GPM6B: variants seen among roughly 807,000 people sequenced by gnomAD.
GPM6B encodes glycoprotein M6B, also known as neuronal membrane glycoprotein M6-b.
A neutral mutation model predicts 27.2 loss-of-function variants in GPM6B; 4 were observed. The observed-to-expected ratio is 0.15, with a 90% confidence interval of 0.07 to 0.34. The LOEUF (loss-of-function observed/expected upper bound fraction) is 0.34. Among genes scored for constraint, GPM6B ranks in the 10% least tolerant of loss-of-function variants. GPM6B has a pLI of 1.00. For synonymous variants in GPM6B, 124 were observed against 103.1 expected (o/e 1.20, Z -1.23); for missense variants, 183 against 261.9 (o/e 0.70, Z 2.08).
intron 1 of GPM6B, among the ~76,000 whole-genome samples, chrX:13,843,820 A>C (rs1271797356): frequency 6.3e-5 from 7 of 111,626 alleles, no homozygotes; most frequent in Non-Finnish European, 1.3e-4. Flanking sequence ...AGTCTCTTAG[A>C]TATATGATTT....
chrX:13,868,851 G>T (rs2147261381), intron 1 of GPM6B, among the ~76,000 whole-genome samples: 1 of 111,751 alleles, frequency 8.9e-6, no homozygotes, highest in East Asian at 2.8e-4. Context: ...TTCCCTCTCT[G>T]GGACTCTAAG....
intron 1 of GPM6B, among the ~76,000 whole-genome samples, chrX:13,923,837 A>G (rs990507688): frequency 2.7e-5 from 3 of 112,315 alleles, no homozygotes; most frequent in Non-Finnish European, 5.6e-5. Flanking sequence ...TTTTTCTTAT[A>G]GAAGAAATCT....
chrX:13,786,724 A>G (rs1220989093), intron 2 of GPM6B, among the ~76,000 whole-genome samples: 1 of 111,641 alleles, frequency 9.0e-6, no homozygotes, highest in Non-Finnish European at 1.9e-5. Context: ...AAGGAGAGAC[A>G]GCCGTAAGTC....
At chrX:13,891,859 C>T (rs2375114) in intron 1 of GPM6B, among the ~76,000 whole-genome samples, 3,759 of 111,444 alleles carry the variant, frequency 0.034, 93 homozygotes, top group East Asian at 0.2. Flanking sequence ...GTACTCAGGG[C>T]AGGGAAAAAA....
rs765384255 is a variant in GPM6B, at chrX:13,839,558, C to T, written c.-197-53750G>A. On this transcript the variant is annotated intron_variant, in intron 1 of 6. Transcript: ENST00000398361. ...ATCCATGCCTGTGGGACCGAGTCTCCAGTCATTGATCCTGGCTCAGCCTCT... is the reference window on the plus strand; with the variant it reads ...ATCCATGCCTGTGGGACCGAGTCTCTAGTCATTGATCCTGGCTCAGCCTCT... Among the ~76,000 whole-genome samples the T allele has an allele frequency of 1.3e-4, 15 of 111,165 alleles. No homozygotes were observed. The East Asian group carries it at 2.5e-3, about 19-fold the overall frequency.
intron 1 of GPM6B, among the ~76,000 whole-genome samples, chrX:13,860,288 C>T (rs1436849734): frequency 2.7e-5 from 3 of 111,855 alleles, no homozygotes; most frequent in Non-Finnish European, 5.6e-5. Flanking sequence ...GTTACATAAA[C>T]CCTGTTGGGA....
At chrX:13,825,216 C>T (rs1030185163) in intron 1 of GPM6B, among the ~76,000 whole-genome samples, 1 of 111,742 alleles carries the variant, frequency 8.9e-6, no homozygotes, top group Non-Finnish European at 1.9e-5. Context: ...GTGGGGGACA[C>T]AATCCTACCC....
chrX:13,861,991 C>T (rs777600726), intron 1 of GPM6B, among the ~76,000 whole-genome samples: 13 of 111,290 alleles, frequency 1.2e-4, no homozygotes, highest in Admixed American at 1.9e-4. Context: ...TGGCTCAGTA[C>T]AGCTCAGTGG....
chrX:13,810,561 CT>C (rs1359214754), intron 1 of GPM6B, among the ~76,000 whole-genome samples: 1 of 110,787 alleles, frequency 9.0e-6, no homozygotes, highest in Admixed American at 9.6e-5. Flanking sequence ...CAGGGTATCT[CT>C]GCAGAAGATT....
At chrX:13,807,361 A>G (rs767775886) in intron 2 of GPM6B, among the ~76,000 whole-genome samples, 2 of 111,990 alleles carry the variant, frequency 1.8e-5, no homozygotes, top group Non-Finnish European at 3.8e-5. Flanking sequence ...AACCAAAGGC[A>G]TATCTCACTG....
At chrX:13,892,754 C>A (rs904858858) in intron 1 of GPM6B, among the ~76,000 whole-genome samples, 7 of 111,633 alleles carry the variant, frequency 6.3e-5, no homozygotes, top group Non-Finnish European at 9.4e-5. Flanking sequence ...TCATTTTAGT[C>A]CCTCCTCTGA....
At chrX:13,784,554 T>C (rs923909947) in intron 3 of GPM6B, among the ~76,000 whole-genome samples, 7 of 112,313 alleles carry the variant, frequency 6.2e-5, no homozygotes, top group Admixed American at 1.9e-4. Flanking sequence ...TTTTTCAGTC[T>C]GGTGAAGAAG....
intron 2 of GPM6B, among the ~76,000 whole-genome samples, chrX:13,802,249 A>C (rs1057063065): frequency 9.0e-6 from 1 of 111,193 alleles, no homozygotes; most frequent in Non-Finnish European, 1.9e-5. Flanking sequence ...CTCAGTCTTG[A>C]ATAATCCAAG....
chrX:13,782,116 C>T (rs1379225949), intron 4 of GPM6B, among the ~76,000 whole-genome samples: 3 of 112,236 alleles, frequency 2.7e-5, no homozygotes, highest in South Asian at 3.7e-4. Context: ...ATGGATGAAA[C>T]GGAAGCACAT....
At chrX:13,912,607 AT>A (rs919831237) in intron 1 of GPM6B, among the ~76,000 whole-genome samples, 3 of 107,483 alleles carry the variant, frequency 2.8e-5, no homozygotes, top group Non-Finnish European at 5.8e-5. Flanking sequence ...GAAAAAAAAA[AT>A]TAAAATGTTA....
At chrX:13,925,524 C>T (rs1230269469) in intron 1 of GPM6B, among the ~76,000 whole-genome samples, 1 of 88,682 alleles carries the variant, frequency 1.1e-5, no homozygotes, top group Non-Finnish European at 2.2e-5. Context: ...GATGGGGTCT[C>T]GCTATGTTGC....
intron 1 of GPM6B, among the ~76,000 whole-genome samples, chrX:13,929,649 C>A (rs1921386547): frequency 9.0e-6 from 1 of 111,495 alleles, no homozygotes; most frequent in Non-Finnish European, 1.9e-5. Flanking sequence ...CCTCCTCCCT[C>A]CCTGGGTTAT....
intron 1 of GPM6B, among the ~76,000 whole-genome samples, chrX:13,855,484 T>C (rs1377086250): frequency 1.8e-5 from 2 of 112,419 alleles, no homozygotes; most frequent in Admixed American, 9.4e-5. Context: ...CACTGCTATA[T>C]AGAAATCCAT....
chrX:13,862,212 C>G (rs2049860788), intron 1 of GPM6B, among the ~76,000 whole-genome samples: 1 of 111,496 alleles, frequency 9.0e-6, no homozygotes, highest in South Asian at 3.8e-4. Context: ...AAAACAACAA[C>G]AACAAAAATA....
Sources: gnomAD v4.1 joint callset for allele counts (sites outside exome capture counted in the v4.1 genomes callset) on GRCh38, gnomAD v4.1.1 for gene constraint, MANE v1.5 for transcripts, NCBI Gene and HGNC (gene_info 2026-07-23, HGNC 2026-07-21) for gene names.